Variants in LRR1 observed in about 807,000 individuals in gnomAD.
LRR1 encodes leucine-rich repeat protein 1.
Under a neutral mutation model 31.6 loss-of-function variants are expected in LRR1, and 29 were observed. The observed-to-expected ratio is 0.92, with a 90% CI of 0.68 to 1.25. The LOEUF (loss-of-function observed/expected upper bound fraction) is 1.25, where lower values mean the gene tolerates loss of function less well. Among genes scored for constraint, LRR1 ranks in the 50% most tolerant of loss-of-function variants. LRR1 has a pLI of 0.00. For synonymous variants in LRR1, 179 were observed against 181.4 expected (o/e 0.99, Z 0.10); for missense variants, 485 against 487.2 (o/e 1.00, Z 0.04).
intron 1 of LRR1, chr14:49,601,264 G>A (rs1204162133): frequency 2.6e-6 from 3 of 1,149,730 alleles, no homozygotes; most frequent in Non-Finnish European, 3.6e-6. Context: ...GCCTTGTCTT[G>A]ATATTTGTTA....
chr14:49,614,406 A>C lies in LRR1; in HGVS notation c.1155A>C (p.Leu385Phe), dbSNP rs190647437. The C allele has an allele frequency of 6.2e-7, 1 of 1,614,060 alleles. No individual in the cohort carries two copies. The highest frequency in any genetic ancestry group is 1.3e-5 in the African/African-American group (1 of 75,050). The stretch of plus-strand genomic sequence containing the variant: ...ATTCTGTTGCCCACACTGTGGTCTT[A>C]GTAGATAATTTGGGTGGTACTGAAG... ...NLHSVAHTVV[L>F]VDNLGGTEAP... is the part of the protein sequence containing the mutation. Residue 385 changes from leucine (L) to phenylalanine (F), a missense_variant, in exon 4 of 4, where the codon TTA becomes TTC. This residue lies in a region of LRR1 where 210 missense variants were observed against 200.4 expected (regional missense o/e 1.05). Coordinates refer to ENST00000298288, the MANE Select transcript of LRR1 (RefSeq NM_152329.4).
chr14:49,608,266 C>T, intron 3 of LRR1, 145 bp downstream of exon 3: 1 of 864,472 alleles, frequency 1.2e-6, no homozygotes, highest in Non-Finnish European at 1.6e-6. Flanking sequence ...TTCCTTACCT[C>T]TGCTTAGAAT....
chr14:49,605,689 A>C (rs760933774), intron 2 of LRR1, among the ~76,000 whole-genome samples: 1 of 152,072 alleles, frequency 6.6e-6, no homozygotes, highest in Non-Finnish European at 1.5e-5. Flanking sequence ...ATTTTTTTCT[A>C]TCCCCAAAAT....
intron 1 of LRR1, chr14:49,600,002 C>A: frequency 6.2e-7 from 1 of 1,605,534 alleles, no homozygotes; most frequent in Non-Finnish European, 8.5e-7. Flanking sequence ...TCATGGCTCA[C>A]GGGCCCGGCG....
Position 49,601,194 on chromosome 14 carries a change from T to C in LRR1, c.184-1176T>C, listed in dbSNP as rs111674771. ...TTGAGCACAAGTGTAACCTAAATAT[T>C]TCTATATTAAAGCTTAATGTGCTTT... On this transcript the variant is annotated intron_variant, in intron 1 of 3. Transcript: ENST00000298288. The C allele has an allele frequency of 1.5e-3, 2,332 of 1,528,796 alleles. 27 individuals carry two copies. In the African/African-American group the frequency reaches 0.029, roughly 19 times the overall value. The allele number at this position is 1,528,796 out of a possible 1,614,324, so 94.7% of individuals were successfully genotyped here. A position where few individuals can be genotyped will look rare whatever the true frequency, so the allele number is the denominator to read the frequency against.
At chr14:49,610,457 G>A (rs948461114) in intron 3 of LRR1, among the ~76,000 whole-genome samples, 7 of 151,728 alleles carry the variant, frequency 4.6e-5, no homozygotes, top group South Asian at 2.1e-4. Context: ...GTTTCACCAC[G>A]TTGGCCAGGC....
intron 1 of LRR1, 29 bp from the exon 2 acceptor site, chr14:49,602,338 TTTC>T: frequency 3.2e-6 from 5 of 1,561,140 alleles, no homozygotes; most frequent in Non-Finnish European, 3.5e-6. Flanking sequence ...AATAATTAGT[TTTC>T]TTCTTTTTTT....
At chr14:49,613,137 A>T (rs544323666) in intron 3 of LRR1, among the ~76,000 whole-genome samples, 4 of 152,214 alleles carry the variant, frequency 2.6e-5, no homozygotes, top group African/African-American at 9.6e-5. Context: ...CAGGAGATCG[A>T]GACCATCCTG....
chr14:49,601,816 TAAA>T (rs11319854), intron 1 of LRR1, among the ~76,000 whole-genome samples: 5 of 90,746 alleles, frequency 5.5e-5, no homozygotes, highest in Admixed American at 1.2e-4. Flanking sequence ...TCCCAACTGC[TAAA>T]AAAAAAAAAA....
intron 3 of LRR1, chr14:49,612,461 C>T (rs1882546422): frequency 1.6e-6 from 2 of 1,213,520 alleles, no homozygotes; most frequent in Non-Finnish European, 2.1e-6. Context: ...TTGTCTGTTT[C>T]CTCAATCTAG....
At chr14:49,611,229 C>T (rs1882498798) in intron 3 of LRR1, among the ~76,000 whole-genome samples, 1 of 152,202 alleles carries the variant, frequency 6.6e-6, no homozygotes. Context: ...GTAACCCCAG[C>T]ACTTTGGGAG....
At chr14:49,612,777 A>C (rs1882559420) in intron 3 of LRR1, among the ~76,000 whole-genome samples, 1 of 152,106 alleles carries the variant, frequency 6.6e-6, no homozygotes, top group Non-Finnish European at 1.5e-5. Context: ...GAGACTAGAG[A>C]AACAACAAAG....
At chr14:49,607,010 C>T (rs1594588152) in intron 2 of LRR1, among the ~76,000 whole-genome samples, 1 of 151,562 alleles carries the variant, frequency 6.6e-6, no homozygotes, top group African/African-American at 2.4e-5. Context: ...ATTTTATACT[C>T]TTATGATTTC....
Position 49,599,069 on chromosome 14 carries a change from T to C in LRR1, c.49T>C (p.Leu17=), listed in dbSNP as rs1290897234. The C allele has an allele frequency of 1.2e-6, 2 of 1,609,728 alleles. No individual in the cohort carries two copies. The highest frequency in any genetic ancestry group is 1.7e-6 in the Non-Finnish European group (2 of 1,178,210). The change falls in exon 1 of 4, where the codon TTG becomes CTG. Residue 17 remains leucine (L), a synonymous_variant. Coordinates refer to ENST00000298288, the MANE Select transcript of LRR1 (RefSeq NM_152329.4). ...GGTGATCAGCCGGCACTTGCCCGCC[T>C]TGGGGCTTAGGAACCGGGGCAAGGG... The part of the protein sequence containing the change: ...VEVISRHLPA[L]GLRNRGKGVR...
chr14:49,601,743 A>C, intron 1 of LRR1: 1 of 1,231,740 alleles, frequency 8.1e-7, no homozygotes, highest in Non-Finnish European at 1.1e-6. Context: ...CCTGTTCTCA[A>C]AGGAGAGTTA....
chr14:49,611,089 CCTCT>C (rs991481392), intron 3 of LRR1, among the ~76,000 whole-genome samples: 11 of 152,170 alleles, frequency 7.2e-5, no homozygotes, highest in Non-Finnish European at 1.3e-4. Context: ...CCAGTCCAGT[CCTCT>C]CTCCTTGCCA....
chr14:49,600,193 A>G (rs1881999127), intron 1 of LRR1: 2 of 1,476,240 alleles, frequency 1.4e-6, no homozygotes, highest in Admixed American at 1.7e-5. Context: ...ACCGCCGGAC[A>G]GGAAGACTAT....
chr14:49,612,716 GT>G, intron 3 of LRR1: 1 of 841,568 alleles, frequency 1.2e-6, no homozygotes, highest in Non-Finnish European at 1.5e-6. Flanking sequence ...GACTAGGCTT[GT>G]TTATTTGTTG....
intron 3 of LRR1, 81 bp from the exon 4 acceptor site, chr14:49,614,175 T>A: frequency 1.4e-6 from 2 of 1,380,918 alleles, no homozygotes; most frequent in Non-Finnish European, 1.9e-6. Flanking sequence ...TACTTTTCAT[T>A]GTTAAAATTC....
Sources: allele counts gnomAD v4.1 joint callset (sites outside exome capture counted in the v4.1 genomes callset), GRCh38; gene constraint gnomAD v4.1.1; regional missense constraint gnomAD v4.1.1; transcripts MANE v1.5; gene names NCBI Gene and HGNC (gene_info 2026-07-23, HGNC 2026-07-21).